The following LPXN variants were observed in gnomAD, a reference collection of about 807,000 sequenced individuals.
The protein encoded by LPXN is leupaxin.
A neutral mutation model predicts 45.6 loss-of-function variants in LPXN; 28 were observed. The ratio of observed to expected loss-of-function variants is 0.61; its 90% CI spans 0.45 to 0.84. The LOEUF (loss-of-function observed/expected upper bound fraction) is 0.84, where lower values mean the gene tolerates loss of function less well. LPXN is among the 40% of genes least tolerant of loss of function. The pLI is 0.00. For missense variants in LPXN, 459 were observed against 475.0 expected (o/e 0.97, Z 0.31); for synonymous variants, 166 against 169.9 (o/e 0.98, Z 0.18).
At chr11:58,563,636 G>A (rs1177091444) in intron 3 of LPXN, among the ~76,000 whole-genome samples, 3 of 152,178 alleles carry the variant, frequency 2.0e-5, no homozygotes, top group African/African-American at 7.2e-5. Flanking sequence ...AAATGATTTA[G>A]TAAGTGTATC....
intron 7 of LPXN, among the ~76,000 whole-genome samples, chr11:58,540,831 T>C (rs1853694370): frequency 6.6e-6 from 1 of 152,118 alleles, no homozygotes; most frequent in Non-Finnish European, 1.5e-5. Context: ...TGATTGCTTT[T>C]TAAAACCTTT....
At chr11:58,538,781 C>G (rs1590760538) in intron 7 of LPXN, among the ~76,000 whole-genome samples, 1 of 149,164 alleles carries the variant, frequency 6.7e-6, no homozygotes, top group African/African-American at 2.6e-5. Context: ...AATATATATA[C>G]ACAATAAAAA....
chr11:58,575,805 G>A lies in LPXN; in HGVS notation c.-33C>T. ...CATCCAAGATGCTCTTGTCTCACAG[G>A]CCGTGAGGAACAGCTTTGGCATGTG... On this transcript the variant is annotated 5_prime_UTR_variant, in exon 1 of 9. Coordinates refer to ENST00000395074, the MANE Select transcript of LPXN (RefSeq NM_004811.3). The A allele has an allele frequency of 6.2e-7, 1 of 1,614,186 alleles. No homozygotes were observed. Among genetic ancestry groups the A allele is most frequent in the Non-Finnish European group, 8.5e-7 (1 of 1,180,028 alleles).
In LPXN at chr11:58,556,888, G is replaced by C. The variant is rs150364804; in HGVS notation, c.219-1948C>G. ...CATATCCAATTAAACAATGAGCAAA[G>C]GACCTGAATAGATATTTTTCCAAAG... On this transcript the variant is annotated intron_variant, in intron 3 of 8. Coordinates refer to ENST00000395074, the MANE Select transcript of LPXN (RefSeq NM_004811.3). Among the ~76,000 whole-genome samples the C allele has an allele frequency of 2.6e-5, 4 of 152,162 alleles. No homozygotes were observed. In the East Asian group the frequency reaches 7.7e-4, roughly 29 times the overall value.
At chr11:58,554,522 C>G (rs1022104572) in intron 4 of LPXN, among the ~76,000 whole-genome samples, 2 of 152,166 alleles carry the variant, frequency 1.3e-5, no homozygotes, top group African/African-American at 2.4e-5. Context: ...GTTTGCTCCA[C>G]ATATGTTTGC....
intron 3 of LPXN, among the ~76,000 whole-genome samples, chr11:58,559,349 C>G (rs539627310): frequency 6.6e-6 from 1 of 151,940 alleles, no homozygotes; most frequent in African/African-American, 2.4e-5. Flanking sequence ...AGAATCTATC[C>G]TACAGAAAAA....
In LPXN at chr11:58,570,556, C is replaced by A; in HGVS notation, c.171G>T (p.Pro57=). 1 of 1,602,726 alleles carries A rather than the reference C, an allele frequency of 6.2e-7. No homozygotes were observed. Among genetic ancestry groups the A allele is most frequent in the South Asian group, 1.1e-5 (1 of 89,602 alleles). ...AGGACTATAATAAATGAAAATTTAC[C>A]GGCAAGGGACTTGTGTTATCCTGAA... ...LSIQDNTSPL[P]AQLVYTTNIQ... is the part of the protein sequence containing the mutation. The change falls in exon 2 of 9, where the codon CCG becomes CCT. Residue 57 remains proline, a splice_region_variant and synonymous_variant. Transcript: ENST00000395074.
chr11:58,563,841 AC>A (rs1225564632), intron 3 of LPXN, among the ~76,000 whole-genome samples: 2 of 152,202 alleles, frequency 1.3e-5, no homozygotes, highest in Non-Finnish European at 2.9e-5. Context: ...CTTTCAGGAA[AC>A]TGAAGCATAA....
intron 4 of LPXN, among the ~76,000 whole-genome samples, chr11:58,552,492 T>C (rs1854079970): frequency 6.6e-6 from 1 of 152,132 alleles, no homozygotes; most frequent in African/African-American, 2.4e-5. Context: ...CAGACAGACA[T>C]TCAAAGCCTC....
chr11:58,552,045 C>T (rs772698404), intron 4 of LPXN, among the ~76,000 whole-genome samples: 25 of 152,092 alleles, frequency 1.6e-4, no homozygotes, highest in Non-Finnish European at 2.4e-4. Flanking sequence ...TCATGGTAAA[C>T]GCTTGGGTTT....
At chr11:58,543,167 C>T (rs996115549) in intron 7 of LPXN, among the ~76,000 whole-genome samples, 5 of 152,142 alleles carry the variant, frequency 3.3e-5, no homozygotes, top group Non-Finnish European at 7.4e-5. Flanking sequence ...TGTTTGTCTC[C>T]TCCACCAGAA....
At chr11:58,537,968 T>A (rs1274963541) in intron 7 of LPXN, among the ~76,000 whole-genome samples, 1 of 131,374 alleles carries the variant, frequency 7.6e-6, no homozygotes, top group African/African-American at 2.9e-5. Context: ...TTCCTCTTCC[T>A]GTGTCCATGT....
chr11:58,570,734 G>A, intron 1 of LPXN, 21 bp from the exon 2 acceptor site: 3 of 1,576,344 alleles, frequency 1.9e-6, no homozygotes, highest in Non-Finnish European at 8.7e-7. Context: ...AGAAGCAAGA[G>A]AATCATGACA....
intron 3 of LPXN, among the ~76,000 whole-genome samples, chr11:58,559,366 A>C (rs1240251145): frequency 6.6e-6 from 1 of 152,104 alleles, no homozygotes; most frequent in Non-Finnish European, 1.5e-5. Context: ...AAAATTGGAC[A>C]TATATATATA....
At chr11:58,546,609 A>G (rs773856815) in intron 7 of LPXN, among the ~76,000 whole-genome samples, 11 of 152,202 alleles carry the variant, frequency 7.2e-5, no homozygotes, top group Non-Finnish European at 1.5e-4. Flanking sequence ...GAGTCACTCA[A>G]CAAAATGGCC....
Position 58,570,710 on chromosome 11 carries a change from GCATCTACAC to G in LPXN, c.14-6_16del. The G allele has an allele frequency of 6.2e-7, 1 of 1,603,396 alleles. No individual in the cohort carries two copies. The highest frequency in any genetic ancestry group is 8.5e-7 in the Non-Finnish European group (1 of 1,173,842). ...GGAGCGTTCCAGTTCCTCCAATAAGGCATCTACACCATAAGAAGCAAGAGAATCATGACA... is the reference window on the plus strand; with the variant it reads ...GGAGCGTTCCAGTTCCTCCAATAAGGCATAAGAAGCAAGAGAATCATGACA... On this transcript the variant is annotated splice_acceptor_variant and splice_polypyrimidine_tract_variant and coding_sequence_variant and intron_variant, in exon 2 of 9. Coordinates refer to ENST00000395074, the MANE Select transcript of LPXN (RefSeq NM_004811.3). LOFTEE classifies it high-confidence loss of function.
At chr11:58,553,165 GTC>G (rs963085695) in intron 4 of LPXN, among the ~76,000 whole-genome samples, 8 of 151,852 alleles carry the variant, frequency 5.3e-5, no homozygotes, top group African/African-American at 1.9e-4. Context: ...GCAAAACCTC[GTC>G]TCTACTAAAA....
chr11:58,540,111 C>A (rs1252046208), intron 7 of LPXN, among the ~76,000 whole-genome samples: 1 of 152,032 alleles, frequency 6.6e-6, no homozygotes, highest in Non-Finnish European at 1.5e-5. Flanking sequence ...TAAACCTAGT[C>A]ATCTCTAGGT....
Position 58,528,045 on chromosome 11 carries a change from CACAA to C in LPXN, c.885_888del (p.Cys296GlyfsTer63). 1 of 1,613,838 alleles carries C rather than the reference CACAA, an allele frequency of 6.2e-7. No individual in the cohort carries two copies. The highest frequency in any genetic ancestry group is 8.5e-7 in the Non-Finnish European group (1 of 1,179,846). ...GAAAGAAAAGTGATTATACAGACCC[CACAA>C]ACAAAGCACTCTGGGTGCCAGACAG... On this transcript the variant is annotated frameshift_variant, in exon 8 of 9. Transcript: ENST00000395074. LOFTEE classifies it high-confidence loss of function.
Sources: gnomAD v4.1 joint callset for allele counts (sites outside exome capture counted in the v4.1 genomes callset) on GRCh38, gnomAD v4.1.1 for gene constraint, MANE v1.5 for transcripts, NCBI Gene and HGNC (gene_info 2026-07-23, HGNC 2026-07-21) for gene names.